Variants in ADAM18 observed in about 807,000 individuals in gnomAD.
ADAM18 encodes disintegrin and metalloproteinase domain-containing protein 18.
Under a neutral mutation model 94.4 loss-of-function variants are expected in ADAM18, and 117 were observed. The observed-to-expected ratio is 1.24, with a 90% CI of 1.07 to 1.45. The LOEUF is 1.45. Ranked by LOEUF, ADAM18 falls within the 40% of genes most tolerant of loss-of-function variation. ADAM18 has a pLI of 0.00. For missense variants in ADAM18, 936 were observed against 880.0 expected, an observed-to-expected ratio of 1.06 and a Z score of -0.81; for synonymous variants, 327 against 291.6, an observed-to-expected ratio of 1.12 and a Z score of -1.24.
intron 18 of ADAM18, among the ~76,000 whole-genome samples, chr8:39,715,050 C>A (rs1488193138): frequency 6.6e-6 from 1 of 151,996 alleles, no homozygotes; most frequent in African/African-American, 2.4e-5. Context: ...CCACACAGAA[C>A]ATTCTCAATT....
chr8:39,677,544 T>C lies in ADAM18; in HGVS notation c.1631+8T>C. ...ATTACCTTGTGAACGGAAGTACGTA[T>C]GTAGAAAATGATTGCTTCTTTGAAT... On this transcript the variant is annotated splice_region_variant and intron_variant, in intron 15 of 19. Transcript: ENST00000265707. 3 of 1,568,046 alleles carry C rather than the reference T, an allele frequency of 1.9e-6. No homozygotes were observed. The highest frequency in any genetic ancestry group is 2.6e-6 in the Non-Finnish European group (3 of 1,157,152).
At chr8:39,617,794 A>C (rs1819488075) in intron 6 of ADAM18, among the ~76,000 whole-genome samples, 1 of 152,140 alleles carries the variant, frequency 6.6e-6, no homozygotes, top group African/African-American at 2.4e-5. Flanking sequence ...CATCGAGTAC[A>C]CATAGACACA....
intron 19 of ADAM18, 85 bp from the exon 20 acceptor site, chr8:39,729,812 CA>C: frequency 9.6e-7 from 1 of 1,041,502 alleles, no homozygotes; most frequent in Non-Finnish European, 1.5e-6. Context: ...AGTAGAAATT[CA>C]GTAGTAAATA....
chr8:39,610,360 C>T (rs1226699307), intron 5 of ADAM18, among the ~76,000 whole-genome samples, 169 bp from the exon 6 acceptor site: 2 of 151,946 alleles, frequency 1.3e-5, no homozygotes, highest in Non-Finnish European at 2.9e-5. Context: ...TATGGTGGCT[C>T]TTACTAATGA....
intron 4 of ADAM18, 117 bp downstream of exon 4, chr8:39,609,237 T>C: frequency 1.2e-6 from 1 of 809,544 alleles, no homozygotes. Context: ...TTACTGACTT[T>C]TGTACATAGA....
Position 39,706,885 on chromosome 8 carries a change from T to C in ADAM18, c.1998T>C (p.Asp666=), listed in dbSNP as rs1822257521. The change falls in exon 18 of 20, where the codon GAT becomes GAC. Residue 666 remains aspartate, a synonymous_variant. Transcript: ENST00000265707. ...QFGSPGGSID[D]GNFQKSGDFY... is the part of the protein sequence containing the mutation. ...GTTCCCCAGGGGGTAGTATTGATGA[T>C]GGAAATTTTCAGAAATCTGGTAAGT... 2.5e-6 allele frequency: 4 copies of C among 1,597,360 alleles called. No individual in the cohort carries two copies. The highest frequency in any genetic ancestry group is 1.1e-5 in the South Asian group (1 of 89,540).
rs528500911 is a variant in ADAM18 at position 39,603,743 on chromosome 8, T to C, written c.133-2564T>C. Among the ~76,000 whole-genome samples, 4 of 152,358 alleles carry C rather than the reference T, an allele frequency of 2.6e-5. No individual in the cohort carries two copies. In the South Asian group the frequency reaches 8.3e-4, roughly 32 times the overall value. On this transcript the variant is annotated intron_variant, in intron 2 of 19. Transcript: ENST00000265707. ...TGAGCACATTAAATGATAATACTTATGTGTTCAATTTTGAAGTAGTAGTTT... is the reference window on the plus strand; with the variant it reads ...TGAGCACATTAAATGATAATACTTACGTGTTCAATTTTGAAGTAGTAGTTT...
At chr8:39,652,655 T>A (rs540168877) in intron 12 of ADAM18, among the ~76,000 whole-genome samples, 1 of 152,224 alleles carries the variant, frequency 6.6e-6, no homozygotes, top group Admixed American at 6.5e-5. Context: ...AACTTAGAAC[T>A]TCATATAATC....
chr8:39,636,001 G>GTTTTTT (rs199533879), intron 7 of ADAM18, among the ~76,000 whole-genome samples: 3 of 141,812 alleles, frequency 2.1e-5, no homozygotes, highest in Non-Finnish European at 1.5e-5. Context: ...TAACCATTAA[G>GTTTTTT]TTTTTTTGTT....
intron 19 of ADAM18, among the ~76,000 whole-genome samples, chr8:39,728,528 T>C (rs1386507802): frequency 6.6e-6 from 1 of 152,142 alleles, no homozygotes; most frequent in African/African-American, 2.4e-5. Flanking sequence ...TCAATTATCA[T>C]GTGAATTAAC....
At chr8:39,717,234 C>T (rs997638377) in intron 18 of ADAM18, among the ~76,000 whole-genome samples, 1 of 151,732 alleles carries the variant, frequency 6.6e-6, no homozygotes, top group Admixed American at 6.6e-5. Context: ...TTTACACCCT[C>T]CTCCACTCTG....
Position 39,723,912 on chromosome 8 carries a change from A to C in ADAM18, c.2177+5A>C. 1 of 1,469,392 alleles carries C rather than the reference A, an allele frequency of 6.8e-7. No individual in the cohort carries two copies. The allele number at this position is 1,469,392 out of a possible 1,614,324, so 91.0% of individuals were successfully genotyped here. On this transcript the variant is annotated splice_donor_5th_base_variant and intron_variant, in intron 19 of 19. Transcript: ENST00000265707. ...AGAGAATGCAGAGTATAATCGGTAA[A>C]TATGATATAGAATCAATGTATTAGG...
At chr8:39,633,696 T>A (rs928460325) in intron 7 of ADAM18, among the ~76,000 whole-genome samples, 2 of 152,114 alleles carry the variant, frequency 1.3e-5, no homozygotes, top group African/African-American at 4.8e-5. Flanking sequence ...AACAGCAAGG[T>A]GTTCAGGATG....
chr8:39,699,644 G>A (rs1822010814), intron 17 of ADAM18, among the ~76,000 whole-genome samples: 2 of 152,080 alleles, frequency 1.3e-5, no homozygotes, highest in South Asian at 4.1e-4. Flanking sequence ...ATAAATCACA[G>A]TTTTTCATCT....
rs78204627 is a variant in ADAM18, at chr8:39,586,131, G to T, written c.132+779G>T. On this transcript the variant is annotated intron_variant, in intron 2 of 19. Transcript: ENST00000265707. ...AGATTAATCTATTAATTCTATTTTG[G>T]CACACAATATTGGGACCTACCATGG... Among the ~76,000 whole-genome samples the T allele has an allele frequency of 0.011, 1,691 of 152,112 alleles. 66 individuals carry two copies. In the East Asian group the frequency reaches 0.14, roughly 12 times the overall value.
chr8:39,694,914 T>C (rs1403187096), intron 17 of ADAM18, among the ~76,000 whole-genome samples: 1 of 151,546 alleles, frequency 6.6e-6, no homozygotes, highest in African/African-American at 2.4e-5. Context: ...TCATACAGAA[T>C]AGTTTCACTG....
intron 10 of ADAM18, among the ~76,000 whole-genome samples, chr8:39,639,205 C>T (rs1303169381): frequency 6.6e-6 from 1 of 151,842 alleles, no homozygotes; most frequent in Non-Finnish European, 1.5e-5. Context: ...ATAAACACCA[C>T]AAAGATCAAA....
At position 39,730,015 on chromosome 8, in the gene ADAM18, A is replaced by G. The variant is rs1298538882; in HGVS notation, c.*75A>G. ...TATTTATAACCTTACGTTATCCCCA[A>G]TGCATTGTAAATGTCAAACTTTTGG... On this transcript the variant is annotated 3_prime_UTR_variant, in exon 20 of 20. Coordinates refer to ENST00000265707, the MANE Select transcript of ADAM18 (RefSeq NM_014237.3). 10 of 1,436,010 alleles carry G rather than the reference A, an allele frequency of 7.0e-6. No individual in the cohort carries two copies. Among genetic ancestry groups the G allele is most frequent in the South Asian group, 1.2e-5 (1 of 86,014 alleles). The allele number at this position is 1,436,010 out of a possible 1,614,324, so 89.0% of individuals were successfully genotyped here. A position where few individuals can be genotyped will look rare whatever the true frequency, so the allele number is the denominator to read the frequency against.
chr8:39,721,020 G>T (rs1337193402), intron 18 of ADAM18, among the ~76,000 whole-genome samples: 1 of 151,460 alleles, frequency 6.6e-6, no homozygotes, highest in Non-Finnish European at 1.5e-5. Context: ...CTATGCAAAG[G>T]TATAGTATGC....
Sources: gnomAD v4.1 joint callset for allele counts (sites outside exome capture counted in the v4.1 genomes callset) on GRCh38, gnomAD v4.1.1 for gene constraint, MANE v1.5 for transcripts, NCBI Gene and HGNC (gene_info 2026-07-23, HGNC 2026-07-21) for gene names.